The following SEPTIN12 variants were observed in gnomAD, a reference collection of about 807,000 sequenced individuals.
SEPTIN12 encodes the protein septin-12.
A neutral mutation model predicts 37.7 loss-of-function variants in SEPTIN12; 42 were observed. The ratio of observed to expected loss-of-function variants is 1.11; its 90% CI spans 0.87 to 1.44. SEPTIN12 has a LOEUF of 1.44. SEPTIN12 is among the 40% of genes most tolerant of loss of function. The pLI is 0.00. For synonymous variants in SEPTIN12, 254 were observed against 196.7 expected, an observed-to-expected ratio of 1.29 and a Z score of -2.44; for missense variants, 613 against 479.2, an observed-to-expected ratio of 1.28 and a Z score of -2.61.
Position 4,777,818 on chromosome 16 carries a change from G to C in SEPTIN12, c.1056C>G (p.Asp352Glu). ...GTGGTCAGAACTCATCATCAGAATC[G>C]TCATGGGCCCCCCTGCAGACCTTGA... is the stretch of plus-strand genomic sequence containing the variant. ...RTFKVCRGAH[D>E]DSDDEF The change falls in exon 10 of 10, where the codon GAC (aspartate) becomes GAG (glutamate). Residue 352 changes from aspartate (D) to glutamate (E), a missense_variant. Coordinates refer to ENST00000268231, the MANE Select transcript of SEPTIN12 (RefSeq NM_144605.5). 1 of 1,573,602 alleles carries C rather than the reference G, an allele frequency of 6.4e-7. No individual in the cohort carries two copies. The highest frequency in any genetic ancestry group is 1.2e-5 in the South Asian group (1 of 85,388).
intron 2 of SEPTIN12, 71 bp downstream of exon 2, chr16:4,787,409 G>A (rs915724584): frequency 1.4e-6 from 2 of 1,419,350 alleles, no homozygotes; most frequent in Admixed American, 1.7e-5. Flanking sequence ...GGCTGCCAAA[G>A]GTGAGGCCAC....
chr16:4,783,431 C>T (rs2082394716), intron 7 of SEPTIN12, 31 bp downstream of exon 7: 4 of 1,542,006 alleles, frequency 2.6e-6, no homozygotes, highest in Admixed American at 1.7e-5. Context: ...AGGAAATCAC[C>T]TCGCCCGCCT....
In SEPTIN12 at chr16:4,778,080, C is replaced by T; in HGVS notation, c.875+6G>A. On this transcript the variant is annotated splice_donor_region_variant and intron_variant, in intron 9 of 9. Transcript: ENST00000268231. ...CCCCCTAGCCCCAGGCTCCCCACAC[C>T]CTCACCGGATAAGCAGGTCTCTCAG... 1 of 1,614,152 alleles carries T rather than the reference C, an allele frequency of 6.2e-7. No individual in the cohort carries two copies. Among genetic ancestry groups the T allele is most frequent in the African/African-American group, 1.3e-5 (1 of 75,050 alleles).
rs910772207 is a variant in SEPTIN12, at chr16:4,777,881, G to A, written c.993C>T (p.Ala331=). 5.0e-6 allele frequency: 8 copies of A among 1,598,310 alleles called. No homozygotes were observed. In the Admixed American group the frequency reaches 7.1e-5, roughly 14 times the overall value. ...TGGTCAGCTGTCCTGGGGAGGCCGGGGCCAGGTTCACCCAGCCGGGCCCGC... is the reference window on the plus strand; with the variant it reads ...TGGTCAGCTGTCCTGGGGAGGCCGGAGCCAGGTTCACCCAGCCGGGCCCGC... ...LPRGPGWVNL[A]PASPGQLTTP... Residue 331 remains alanine, a synonymous_variant, in exon 10 of 10, where the codon GCC becomes GCT. Transcript: ENST00000268231.
intron 4 of SEPTIN12, among the ~76,000 whole-genome samples, chr16:4,784,549 C>T (rs773954288): frequency 2.0e-5 from 3 of 151,912 alleles, no homozygotes; most frequent in African/African-American, 4.8e-5. Context: ...GCAGGAGGAT[C>T]GCTCGAGCCC....
At chr16:4,782,350 T>C (rs2082381781) in intron 7 of SEPTIN12, among the ~76,000 whole-genome samples, 1 of 152,194 alleles carries the variant, frequency 6.6e-6, no homozygotes, top group Admixed American at 6.5e-5. Context: ...CACTCATCTG[T>C]TGATGCATAT....
chr16:4,785,132 C>T (rs1330247670), intron 4 of SEPTIN12, among the ~76,000 whole-genome samples: 1 of 152,040 alleles, frequency 6.6e-6, no homozygotes. Context: ...TGTCTGTAAT[C>T]CCAGCTACTT....
At chr16:4,785,355 T>A (rs1291395528) in intron 4 of SEPTIN12, among the ~76,000 whole-genome samples, 1 of 150,652 alleles carries the variant, frequency 6.6e-6, no homozygotes, top group African/African-American at 2.5e-5. Flanking sequence ...AGAGCTAGAT[T>A]CTGTCTCAAA....
In SEPTIN12 at chr16:4,777,662, A is replaced by T; in HGVS notation, c.*135T>A. Reference sequence around the variant, plus strand: ...GGATAGCTCAAAGAAGTCATTTACAAAATGCCTTTTGTTTTCAAAGCACAG... The same window carrying T: ...GGATAGCTCAAAGAAGTCATTTACATAATGCCTTTTGTTTTCAAAGCACAG... On this transcript the variant is annotated 3_prime_UTR_variant, in exon 10 of 10. Transcript: ENST00000268231. 1.4e-6 allele frequency: 1 copy of T among 698,022 alleles called. No homozygotes were observed. The allele number at this position is 698,022 out of a possible 1,614,324, so 43.2% of individuals were successfully genotyped here.
rs2082354845 is a variant in SEPTIN12 at position 4,779,913 on chromosome 16, C to T, written c.727-127G>A. On this transcript the variant is annotated intron_variant, in intron 7 of 9. Transcript: ENST00000268231. ...CGAGGAGGGAACATGGTAGAAAGTG[C>T]ACAGAATTCCCAAGTTCAAAGACAT... 6 of 690,192 alleles carry T rather than the reference C, an allele frequency of 8.7e-6. No individual in the cohort carries two copies. The Admixed American group carries it at 1.2e-4, about 14-fold the overall frequency. The allele number at this position is 690,192 out of a possible 1,614,324, so 42.8% of individuals were successfully genotyped here.
upstream of SEPTIN12, chr16:4,790,089 C>T (rs1229130892): frequency 6.6e-6 from 1 of 151,642 alleles, no homozygotes; most frequent in Non-Finnish European, 1.5e-5. Context: ...AATTTTTTTA[C>T]TTTTTGTAGA....
intron 4 of SEPTIN12, among the ~76,000 whole-genome samples, chr16:4,785,496 G>A (rs530515385): frequency 4.9e-4 from 74 of 152,078 alleles, no homozygotes; most frequent in African/African-American, 1.6e-3. Context: ...CACTTGTTGC[G>A]GGCACAGTGG....
rs1013445499 is a variant in SEPTIN12, at chr16:4,784,005, G to A, written c.438C>T (p.Leu146=). 3 of 1,614,064 alleles carry A rather than the reference G, an allele frequency of 1.9e-6. No homozygotes were observed. Among genetic ancestry groups the A allele is most frequent in the Non-Finnish European group, 2.5e-6 (3 of 1,180,022 alleles). The change falls in exon 5 of 10, where the codon CTC becomes CTT. Residue 146 remains leucine, a synonymous_variant. Coordinates refer to ENST00000268231, the MANE Select transcript of SEPTIN12 (RefSeq NM_144605.5). The part of the protein sequence containing the change: ...QYEQYLQEEI[L]ITRQRHIPDT... ...CTGGGATGTGGCGCTGGCGGGTGATGAGGATCTCCTCCTGCAGGTACTGCT... is the reference window on the plus strand; with the variant it reads ...CTGGGATGTGGCGCTGGCGGGTGATAAGGATCTCCTCCTGCAGGTACTGCT...
At chr16:4,789,511 A>G (rs564254610), upstream of SEPTIN12, among the ~76,000 whole-genome samples, 4 of 152,004 alleles carry the variant, frequency 2.6e-5, no homozygotes, top group South Asian at 6.2e-4. Context: ...TATTTTTAGT[A>G]GAGACTGGTT....
intron 7 of SEPTIN12, 108 bp downstream of exon 7, chr16:4,783,354 G>A (rs766130505): frequency 2.3e-6 from 2 of 872,006 alleles, no homozygotes; most frequent in Non-Finnish European, 3.9e-6. Flanking sequence ...ATATCTGCTA[G>A]GAATATGTGC....
upstream of SEPTIN12, among the ~76,000 whole-genome samples, chr16:4,791,441 T>A (rs1338531592): frequency 6.6e-6 from 1 of 152,124 alleles, no homozygotes; most frequent in Non-Finnish European, 1.5e-5. Flanking sequence ...GGCTCTGACA[T>A]CGATGATCAG....
At chr16:4,782,021 G>A (rs2082377878) in intron 7 of SEPTIN12, among the ~76,000 whole-genome samples, 1 of 132,512 alleles carries the variant, frequency 7.5e-6, no homozygotes, top group African/African-American at 3.0e-5. Context: ...CACAATCTCT[G>A]CTCACTGCAA....
chr16:4,779,481 G>C (rs1468983333), intron 8 of SEPTIN12, among the ~76,000 whole-genome samples: 1 of 152,192 alleles, frequency 6.6e-6, no homozygotes, highest in Non-Finnish European at 1.5e-5. Flanking sequence ...GATGCACTGT[G>C]ATGCCCACTT....
intron 4 of SEPTIN12, 161 bp downstream of exon 4, chr16:4,785,646 G>A (rs914370818): frequency 3.2e-5 from 19 of 598,004 alleles, no homozygotes; most frequent in African/African-American, 2.6e-4. Flanking sequence ...GCGTGGTGGC[G>A]GGCGCCTGTA....
Sources: gnomAD v4.1 joint callset for allele counts (sites outside exome capture counted in the v4.1 genomes callset) on GRCh38, gnomAD v4.1.1 for gene constraint, MANE v1.5 for transcripts, NCBI Gene and HGNC (gene_info 2026-07-23, HGNC 2026-07-21) for gene names.